The following FAM178B variants were observed in gnomAD, a reference collection of about 807,000 sequenced individuals.
The protein encoded by FAM178B is family with sequence similarity 178 member B, also known as protein FAM178B.
FAM178B carries 82 observed loss-of-function variants against 91.7 expected under a neutral mutation model. That is an observed-to-expected ratio of 0.89 (90% CI 0.75 to 1.07). The LOEUF (loss-of-function observed/expected upper bound fraction) is 1.07. Ranked by LOEUF, FAM178B falls within the 50% of genes least tolerant of loss-of-function variation. The probability of loss-of-function intolerance (pLI) is 0.00; values close to 1 mark genes in which losing one functional copy is unlikely to be tolerated. For missense variants in FAM178B, 769 were observed against 846.7 expected, an observed-to-expected ratio of 0.91 and a Z score of 1.14; for synonymous variants, 368 against 359.4, an observed-to-expected ratio of 1.02 and a Z score of -0.27.
chr2:96,905,271 A>T (rs1044314391), intron 12 of FAM178B, among the ~76,000 whole-genome samples: 10 of 152,138 alleles, frequency 6.6e-5, no homozygotes, highest in African/African-American at 2.4e-4. Context: ...TAAGAAAAAA[A>T]TTCAGGCCAG....
intron 13 of FAM178B, among the ~76,000 whole-genome samples, chr2:96,901,221 G>A (rs1256529098): frequency 6.7e-6 from 1 of 149,840 alleles, no homozygotes; most frequent in East Asian, 2.0e-4. Flanking sequence ...CGCCCAGGCT[G>A]GAGTGCAGTG....
At chr2:96,929,355 G>C (rs1251393619) in intron 8 of FAM178B, 35 bp from the exon 9 acceptor site, 4 of 1,448,912 alleles carry the variant, frequency 2.8e-6, no homozygotes, top group Non-Finnish European at 2.8e-6. Flanking sequence ...AGTTAGAATG[G>C]GGAACGGAGG....
chr2:96,981,714 C>G (rs1323787443), intron 1 of FAM178B, among the ~76,000 whole-genome samples: 3 of 127,526 alleles, frequency 2.4e-5, no homozygotes, highest in Non-Finnish European at 4.7e-5. Context: ...GCACTATAGC[C>G]TGGGTGACAG....
At chr2:96,981,315 G>C (rs768963091) in intron 1 of FAM178B, among the ~76,000 whole-genome samples, 9 of 152,096 alleles carry the variant, frequency 5.9e-5, no homozygotes, top group Non-Finnish European at 1.0e-4. Context: ...TTCGTAACGA[G>C]GTCTCAGGGT....
At chr2:96,978,543 T>C (rs2082320731) in intron 1 of FAM178B, among the ~76,000 whole-genome samples, 1 of 152,136 alleles carries the variant, frequency 6.6e-6, no homozygotes. Flanking sequence ...GAATATGTGG[T>C]ATTTGACTTT....
At chr2:96,928,498 T>C (rs934914454) in intron 9 of FAM178B, among the ~76,000 whole-genome samples, 3 of 152,220 alleles carry the variant, frequency 2.0e-5, no homozygotes, top group East Asian at 1.9e-4. Context: ...GGGGCACTCA[T>C]GACACAAAAC....
intron 12 of FAM178B, among the ~76,000 whole-genome samples, chr2:96,906,600 C>T (rs542422522): frequency 3.9e-5 from 6 of 152,276 alleles, no homozygotes; most frequent in Admixed American, 3.9e-4. Flanking sequence ...GGAAAGGCAG[C>T]GCCCACCCGG....
At position 96,980,929 on chromosome 2, in the gene FAM178B, C is replaced by T. The variant is rs149443129; in HGVS notation, c.73+5312G>A. Among the ~76,000 whole-genome samples the T allele has an allele frequency of 4.9e-3, 746 of 152,110 alleles. 5 individuals are homozygous for T. Among genetic ancestry groups the T allele is most frequent in the Non-Finnish European group, 7.7e-3 (523 of 68,004 alleles). The stretch of plus-strand genomic sequence containing the variant: ...AAATGAGTCTTTGATCAGTTATATG[C>T]GCTGCAAATATTTTATTCCACTGAA... On this transcript the variant is annotated intron_variant, in intron 1 of 16. Transcript: ENST00000490605.
intron 12 of FAM178B, among the ~76,000 whole-genome samples, chr2:96,918,229 G>T (rs1180515374): frequency 6.9e-6 from 1 of 144,956 alleles, no homozygotes; most frequent in Admixed American, 6.8e-5. Flanking sequence ...CATACATAAA[G>T]ATTTAAAAAG....
At chr2:96,981,313 G>A (rs1033183556) in intron 1 of FAM178B, among the ~76,000 whole-genome samples, 3 of 152,112 alleles carry the variant, frequency 2.0e-5, no homozygotes, top group African/African-American at 4.8e-5. Flanking sequence ...ACTTCGTAAC[G>A]AGGTCTCAGG....
At chr2:96,981,512 G>C (rs1360648375) in intron 1 of FAM178B, among the ~76,000 whole-genome samples, 1 of 151,934 alleles carries the variant, frequency 6.6e-6, no homozygotes, top group African/African-American at 2.4e-5. Context: ...TCCTCTTTGG[G>C]AGGCCAAGGC....
In FAM178B at chr2:96,954,014, T is replaced by G. The variant is rs577833998; in HGVS notation, c.888-2530A>C. On this transcript the variant is annotated intron_variant, in intron 6 of 16. Transcript: ENST00000490605. ...CGCCTTGGGTGACAGAATTGGCTGT[T>G]GTCAGAGTCACGTCCCCACATCAAG... Among the ~76,000 whole-genome samples the G allele has an allele frequency of 6.6e-4, 100 of 152,366 alleles. 1 individual carries two copies. In the South Asian group the frequency reaches 9.3e-3, roughly 14 times the overall value.
At chr2:96,957,987 A>T (rs149191377) in intron 6 of FAM178B, among the ~76,000 whole-genome samples, 1 of 152,142 alleles carries the variant, frequency 6.6e-6, no homozygotes, top group Non-Finnish European at 1.5e-5. Context: ...GCATCAATGT[A>T]ATAAAGTATT....
chr2:96,878,956 G>A (rs1012065165), intron 14 of FAM178B, among the ~76,000 whole-genome samples: 9 of 152,160 alleles, frequency 5.9e-5, no homozygotes, highest in Non-Finnish European at 1.3e-4. Flanking sequence ...GATGGGAGCC[G>A]AAGGTTTTGG....
At chr2:96,972,686 AG>A in intron 1 of FAM178B, 80 bp from the exon 2 acceptor site, 1 of 1,376,072 alleles carries the variant, frequency 7.3e-7, no homozygotes, top group Non-Finnish European at 1.0e-6. Context: ...CCCACAGAGG[AG>A]GGCCTGGGCC....
chr2:96,880,898 CT>C (rs992024538), intron 14 of FAM178B, among the ~76,000 whole-genome samples: 2 of 152,052 alleles, frequency 1.3e-5, no homozygotes, highest in East Asian at 3.9e-4. Context: ...CCGGCTAAAA[CT>C]TTTTTTTAAC....
In FAM178B at chr2:96,931,608, G is replaced by A. The variant is rs367573533; in HGVS notation, c.1079-2288C>T. 2.2e-4 allele frequency among the ~76,000 whole-genome samples: 33 copies of A among 152,260 alleles called. No homozygotes were observed. The South Asian group carries it at 5.2e-3, about 24-fold the overall frequency. ...GGCACAAAGCAGGGAGGGCTGCTGCGGGGTGGGGACTTCCGCAAGGACCAC... is the reference window on the plus strand; with the variant it reads ...GGCACAAAGCAGGGAGGGCTGCTGCAGGGTGGGGACTTCCGCAAGGACCAC... On this transcript the variant is annotated intron_variant, in intron 8 of 16. Transcript: ENST00000490605.
At chr2:96,962,005 G>A (rs536373747) in intron 5 of FAM178B, among the ~76,000 whole-genome samples, 1 of 152,164 alleles carries the variant, frequency 6.6e-6, no homozygotes, top group East Asian at 1.9e-4. Context: ...TTTTTAGTTT[G>A]AAAAAATGAA....
chr2:96,920,311 G>T (rs1164811592), intron 12 of FAM178B, among the ~76,000 whole-genome samples: 3 of 152,178 alleles, frequency 2.0e-5, no homozygotes, highest in Non-Finnish European at 2.9e-5. Flanking sequence ...CATTCGAAAA[G>T]AATTTACAGG....
Sources: allele counts gnomAD v4.1 joint callset (sites outside exome capture counted in the v4.1 genomes callset), GRCh38; gene constraint gnomAD v4.1.1; transcripts MANE v1.5; gene names NCBI Gene and HGNC (gene_info 2026-07-23, HGNC 2026-07-21).